Variants in NLRP7 observed in about 807,000 individuals in gnomAD.
The protein encoded by NLRP7 is NLR family pyrin domain containing 7.
In NLRP7, 72 loss-of-function variants were observed where a neutral mutation model predicts 85.5. The ratio of observed to expected loss-of-function variants is 0.84; its 90% confidence interval spans 0.70 to 1.02. The LOEUF (loss-of-function observed/expected upper bound fraction) is 1.02, where lower values mean the gene tolerates loss of function less well. NLRP7 is among the 50% of genes least tolerant of loss of function. NLRP7 has a pLI of 0.00. For synonymous variants in NLRP7, 550 were observed against 505.2 expected (o/e 1.09, Z -1.19); for missense variants, 1,243 against 1,219.5 (o/e 1.02, Z -0.29).
intron 1 of NLRP7, among the ~76,000 whole-genome samples, chr19:54,943,145 C>T (rs2069307457): frequency 6.7e-6 from 1 of 148,718 alleles, no homozygotes; most frequent in Non-Finnish European, 1.5e-5. Flanking sequence ...GAAACTCTAT[C>T]TCAAAAAAAA....
chr19:54,962,692 C>T (rs975851153), intron 1 of NLRP7, among the ~76,000 whole-genome samples: 2 of 151,490 alleles, frequency 1.3e-5, no homozygotes, highest in Non-Finnish European at 2.9e-5. Context: ...CTCCGCCTCC[C>T]GGGTTCACGC....
intron 5 of NLRP7, among the ~76,000 whole-genome samples, chr19:54,936,691 GA>G (rs2068943547): frequency 6.6e-6 from 1 of 152,076 alleles, no homozygotes; most frequent in Non-Finnish European, 1.5e-5. Flanking sequence ...GAGGCAGGCA[GA>G]TCGCCTGAGG....
chr19:54,958,570 G>C (rs112568270), intron 1 of NLRP7, among the ~76,000 whole-genome samples: 1 of 151,932 alleles, frequency 6.6e-6, no homozygotes, highest in Non-Finnish European at 1.5e-5. Context: ...GCTTGAACCC[G>C]GGAGGCAAAG....
upstream of NLRP7, among the ~76,000 whole-genome samples, chr19:54,948,675 T>C (rs2069574034): frequency 1.3e-5 from 2 of 152,102 alleles, no homozygotes; most frequent in Admixed American, 1.3e-4. Flanking sequence ...GTTCAAGCAA[T>C]TCTGATGCCT....
chr19:54,951,773 C>A (rs1464060388), upstream of NLRP7, among the ~76,000 whole-genome samples: 1 of 148,712 alleles, frequency 6.7e-6, no homozygotes, highest in African/African-American at 2.5e-5. Flanking sequence ...TTTTTTGAGA[C>A]GGAGTCTCGC....
intron 9 of NLRP7, among the ~76,000 whole-genome samples, chr19:54,924,174 G>A (rs188091580): frequency 6.6e-6 from 1 of 152,148 alleles, no homozygotes. Context: ...CGACATGTTA[G>A]CCAGGCTGGT....
chr19:54,947,791 A>G (rs2069540108), upstream of NLRP7: 1 of 488,994 alleles, frequency 2.0e-6, no homozygotes, highest in Non-Finnish European at 3.6e-6. Context: ...GATAGGCGAC[A>G]GAACAGGAAA....
At chr19:54,945,337 C>T (rs764970558) in intron 1 of NLRP7, among the ~76,000 whole-genome samples, 5 of 150,204 alleles carry the variant, frequency 3.3e-5, no homozygotes, top group Non-Finnish European at 5.9e-5. Flanking sequence ...TGCAATGGTG[C>T]GAGGCTTACC....
chr19:54,933,459 A>C, intron 8 of NLRP7, 110 bp downstream of exon 8: 2 of 1,400,058 alleles, frequency 1.4e-6, no homozygotes, highest in Non-Finnish European at 2.0e-6. Flanking sequence ...CCTGTTCTTT[A>C]ATTCTTACCA....
rs104895527 is a variant in NLRP7 at position 54,940,701 on chromosome 19, G to A, written c.352+230C>T. 1.6e-4 allele frequency among the ~76,000 whole-genome samples: 25 copies of A among 151,958 alleles called. No individual in the cohort carries two copies. The highest frequency in any genetic ancestry group is 3.2e-4 in the Non-Finnish European group (22 of 67,950). On this transcript the variant is annotated intron_variant, in intron 3 of 9. Coordinates refer to ENST00000340844, the Ensembl canonical transcript of NLRP7. ...ACATTAGCTGGGGGTAGTGGCGGCCGCCTGTAATCCCGGCTACTCAGGAGG... is the reference window on the plus strand; with the variant it reads ...ACATTAGCTGGGGGTAGTGGCGGCCACCTGTAATCCCGGCTACTCAGGAGG...
chr19:54,936,077 T>C (rs879657560), intron 6 of NLRP7, among the ~76,000 whole-genome samples, 184 bp downstream of exon 6: 3 of 152,116 alleles, frequency 2.0e-5, no homozygotes, highest in African/African-American at 4.8e-5. Flanking sequence ...TAGCTGGTTA[T>C]GCAACACAGA....
rs1481416385 is a variant in NLRP7 at position 54,939,344 on chromosome 19, C to T, written c.1475G>A (p.Gly492Asp). 2 of 1,614,132 alleles carry T rather than the reference C, an allele frequency of 1.2e-6. No homozygotes were observed. Among genetic ancestry groups the T allele is most frequent in the East Asian group, 2.2e-5 (1 of 44,890 alleles). ...TACGTCCCCGATGTCCCAGGCGTGG[C>T]CGTCCCTGTCCTCCCCCTCCTCCTT... Residue 492 changes from glycine (G) to aspartate (D), a missense_variant, in exon 4 of 10, where the codon GGC (glycine) becomes GAC (aspartate). Gly to Asp is a moderately conservative substitution (Grantham distance 94). Coordinates refer to ENST00000340844, the Ensembl canonical transcript of NLRP7.
chr19:54,961,589 C>A (rs1340811433), intron 1 of NLRP7, among the ~76,000 whole-genome samples: 1 of 151,794 alleles, frequency 6.6e-6, no homozygotes, highest in Non-Finnish European at 1.5e-5. Context: ...GTAATCCCAG[C>A]ACTTTGGGAA....
chr19:54,946,137 C>T (rs1223151999), intron 1 of NLRP7, among the ~76,000 whole-genome samples: 1 of 150,890 alleles, frequency 6.6e-6, no homozygotes, highest in Non-Finnish European at 1.5e-5. Context: ...GAACTCCTGA[C>T]CTCAGCTGAT....
At chr19:54,961,822 CA>C (rs533904792) in intron 1 of NLRP7, among the ~76,000 whole-genome samples, 1,413 of 140,322 alleles carry the variant, frequency 0.01, 61 homozygotes, top group Admixed American at 0.082. Context: ...AAAAAGGAAA[CA>C]AAAAAAAAAG....
rs104895557 is a variant in NLRP7, at chr19:54,939,681, C to G, written c.1138G>C (p.Gly380Arg). 476 of 1,613,190 alleles carry G rather than the reference C, an allele frequency of 3.0e-4. 11 individuals carry two copies. The South Asian group carries it at 4.6e-3, about 16-fold the overall frequency. The change falls in exon 4 of 10, where the codon GGG becomes CGG. Residue 380 changes from glycine to arginine, a missense_variant. Gly to Arg is a moderately radical substitution (Grantham distance 125). Coordinates refer to ENST00000340844, the Ensembl canonical transcript of NLRP7. ...AGGCAGGTGGGGACCGGGTCCTCCC[C>G]CTTCTCCATCTGCAGCTTCAGAGTC... is the stretch of plus-strand genomic sequence containing the variant.
At chr19:54,964,316 A>T (rs1382390791) in intron 1 of NLRP7, among the ~76,000 whole-genome samples, 2 of 134,062 alleles carry the variant, frequency 1.5e-5, no homozygotes, top group East Asian at 2.3e-4. Flanking sequence ...TCCCGGGTTC[A>T]CGCCATTCTC....
Position 54,957,408 on chromosome 19 carries a change from C to T in NLRP7, c.-77+8632G>A, listed in dbSNP as rs143259653. On this transcript the variant is annotated intron_variant, in intron 1 of 2. Coordinates refer to the NLRP7 transcript ENST00000587103. ...AAGCCCAGGCTGGAGTACAATGGTG[C>T]GATCTTAGCTCACTGCAGTTTCCTC... Among the ~76,000 whole-genome samples the T allele has an allele frequency of 2.1e-3, 291 of 141,202 alleles. 4 individuals carry two copies. Among genetic ancestry groups the T allele is most frequent in the East Asian group, 0.014 (67 of 4,766 alleles). The allele number at this position is 141,202 out of a possible 152,430, so 92.6% of individuals were successfully genotyped here. A position where few individuals can be genotyped will look rare whatever the true frequency, so the allele number is the denominator to read the frequency against.
At chr19:54,961,312 A>C (rs2070034476) in intron 1 of NLRP7, among the ~76,000 whole-genome samples, 1 of 151,918 alleles carries the variant, frequency 6.6e-6, no homozygotes, top group Non-Finnish European at 1.5e-5. Context: ...GGAGTCCAAG[A>C]CCAGCCCGGC....
Sources: allele counts gnomAD v4.1 joint callset (sites outside exome capture counted in the v4.1 genomes callset), GRCh38; gene constraint gnomAD v4.1.1; transcripts MANE v1.5; gene names NCBI Gene and HGNC (gene_info 2026-07-23, HGNC 2026-07-21).